The following DYNC2LI1 variants were observed in gnomAD, a reference collection of about 807,000 sequenced individuals.
DYNC2LI1 encodes the protein dynein cytoplasmic 2 light intermediate chain 1.
Under a neutral mutation model 51.9 loss-of-function variants are expected in DYNC2LI1, and 45 were observed. That is an observed-to-expected ratio of 0.87 (90% CI 0.68 to 1.11). The LOEUF (loss-of-function observed/expected upper bound fraction) is 1.11. Among genes scored for constraint, DYNC2LI1 ranks in the 50% most tolerant of loss-of-function variants. The pLI is 0.00. For missense variants in DYNC2LI1, 490 were observed against 417.4 expected (o/e 1.17, Z -1.51); for synonymous variants, 130 against 137.8 (o/e 0.94, Z 0.40).
At chr2:43,823,963 T>TG in the DYNC2LI1 span, 1 of 1,614,088 alleles carries the variant, frequency 6.2e-7, no homozygotes, top group South Asian at 1.1e-5. Context: ...GCCCACAAAC[T>TG]GGTAAAGGAG....
intron 12 of DYNC2LI1, among the ~76,000 whole-genome samples, chr2:43,806,585 G>A (rs866306438): frequency 1.3e-5 from 2 of 152,198 alleles, no homozygotes; most frequent in Non-Finnish European, 1.5e-5. Flanking sequence ...ATAAGGATTA[G>A]TTGGAAGTCA....
chr2:43,790,745 G>A (rs778089496), intron 5 of DYNC2LI1, among the ~76,000 whole-genome samples: 1 of 152,002 alleles, frequency 6.6e-6, no homozygotes, highest in African/African-American at 2.4e-5. Flanking sequence ...TACAGGTTTG[G>A]GATATTTTAT....
chr2:43,804,427 T>C (rs1666172357), intron 10 of DYNC2LI1, among the ~76,000 whole-genome samples: 1 of 152,220 alleles, frequency 6.6e-6, no homozygotes, highest in Admixed American at 6.5e-5. Context: ...AGTTACAGTT[T>C]ACCCATTACT....
chr2:43,780,244 A>C (rs1434206989), intron 2 of DYNC2LI1, among the ~76,000 whole-genome samples: 1 of 152,208 alleles, frequency 6.6e-6, no homozygotes, highest in Non-Finnish European at 1.5e-5. Flanking sequence ...GGAAAGCTTC[A>C]AGATGTAACC....
chr2:43,795,264 G>A, intron 6 of DYNC2LI1: 1 of 896,198 alleles, frequency 1.1e-6, no homozygotes, highest in Non-Finnish European at 1.3e-6. Context: ...CCAGCACTTT[G>A]GGTGGCCGAG....
intron 5 of DYNC2LI1, among the ~76,000 whole-genome samples, chr2:43,791,080 G>A (rs1442096208): frequency 1.3e-5 from 2 of 152,138 alleles, no homozygotes; most frequent in Non-Finnish European, 1.5e-5. Context: ...AATTAGCCAG[G>A]CATCATAGCA....
chr2:43,777,927 C>T (rs1044335854), intron 2 of DYNC2LI1, among the ~76,000 whole-genome samples: 7 of 152,166 alleles, frequency 4.6e-5, no homozygotes, highest in Admixed American at 3.9e-4. Flanking sequence ...TCATACATGA[C>T]ATGATCCCAA....
At chr2:43,815,758 T>C in the DYNC2LI1 span, among the ~76,000 whole-genome samples, 2 of 152,162 alleles carry the variant, frequency 1.3e-5, no homozygotes, top group East Asian at 3.9e-4. Context: ...CTCGGAACAA[T>C]AGCCAGCAAC....
At chr2:43,787,536 C>T (rs1349246123) in intron 4 of DYNC2LI1, among the ~76,000 whole-genome samples, 1 of 152,104 alleles carries the variant, frequency 6.6e-6, no homozygotes, top group African/African-American at 2.4e-5. Context: ...TATTTTCTGT[C>T]TCTCAAAAAA....
rs1272363239 is a variant in DYNC2LI1 at position 43,774,088 on chromosome 2, G to T, written c.-51G>T. ...TGCGGAGCTCGCCGCCTGATTCTAG[G>T]CTGGTCACTACTCCGAGCCTGTGAC... On this transcript the variant is annotated 5_prime_UTR_variant, in exon 1 of 13. Transcript: ENST00000260605. 6.2e-7 allele frequency: 1 copy of T among 1,611,914 alleles called. No homozygotes were observed.
chr2:43,812,018 G>A (rs1388638725), downstream of DYNC2LI1, among the ~76,000 whole-genome samples: 1 of 152,010 alleles, frequency 6.6e-6, no homozygotes, highest in Non-Finnish European at 1.5e-5. Flanking sequence ...TATGTACCCT[G>A]TTCTTTGTAA....
chr2:43,781,279 G>A (rs1183659113), intron 2 of DYNC2LI1, among the ~76,000 whole-genome samples: 1 of 151,422 alleles, frequency 6.6e-6, no homozygotes, highest in Non-Finnish European at 1.5e-5. Context: ...TGAGGCCTAA[G>A]AATCACTTGA....
At chr2:43,823,831 TGGTA>T in the DYNC2LI1 span, 1 of 1,503,742 alleles carries the variant, frequency 6.7e-7, no homozygotes, top group East Asian at 2.4e-5. Flanking sequence ...ACCCTTATAA[TGGTA>T]GACTTTTGTA....
At chr2:43,821,140 A>G in the DYNC2LI1 span, among the ~76,000 whole-genome samples, 1 of 151,958 alleles carries the variant, frequency 6.6e-6, no homozygotes, top group African/African-American at 2.4e-5. Context: ...CCTCCTTACC[A>G]CTTACTCTTC....
chr2:43,824,118 C>T, the DYNC2LI1 span: 2 of 1,614,202 alleles, frequency 1.2e-6, no homozygotes, highest in East Asian at 2.2e-5. Flanking sequence ...TTGTCACTCT[C>T]CTGAAAACAA....
chr2:43,806,996 A>G (rs1453491176), intron 12 of DYNC2LI1, among the ~76,000 whole-genome samples: 1 of 152,222 alleles, frequency 6.6e-6, no homozygotes, highest in African/African-American at 2.4e-5. Context: ...GATTGCACAC[A>G]CAGGACCTTA....
At chr2:43,792,649 A>C in intron 5 of DYNC2LI1, 1 of 1,532,922 alleles carries the variant, frequency 6.5e-7, no homozygotes, top group Non-Finnish European at 8.8e-7. Flanking sequence ...CCTATTAAAC[A>C]ATAACTCCTT....
intron 3 of DYNC2LI1, among the ~76,000 whole-genome samples, chr2:43,784,362 C>T (rs1207869006): frequency 6.6e-6 from 1 of 152,064 alleles, no homozygotes; most frequent in African/African-American, 2.4e-5. Flanking sequence ...CTGTCATAAA[C>T]AAATCATCTA....
chr2:43,788,565 T>C (rs2104683095), intron 4 of DYNC2LI1, among the ~76,000 whole-genome samples: 1 of 152,262 alleles, frequency 6.6e-6, no homozygotes, highest in East Asian at 1.9e-4. Flanking sequence ...GAAGCAGAAA[T>C]GCCATTAGCC....
Sources: allele counts gnomAD v4.1 joint callset (sites outside exome capture counted in the v4.1 genomes callset), GRCh38; gene constraint gnomAD v4.1.1; transcripts MANE v1.5; gene names NCBI Gene and HGNC (gene_info 2026-07-23, HGNC 2026-07-21).